The following LEPR variants were observed in gnomAD, a reference collection of about 807,000 sequenced individuals.
LEPR encodes the protein leptin receptor, also known as OB receptor.
In LEPR, 56 loss-of-function variants were observed where a neutral mutation model predicts 114.7. The observed-to-expected ratio is 0.49, with a 90% CI of 0.39 to 0.61. LEPR has a LOEUF of 0.61. LEPR is among the 20% of genes least tolerant of loss of function. The pLI is 0.00. For synonymous variants in LEPR, 443 were observed against 461.4 expected, an observed-to-expected ratio of 0.96 and a Z score of 0.51; for missense variants, 1,202 against 1,352.9, an observed-to-expected ratio of 0.89 and a Z score of 1.75.
chr1:65,607,703 C>G lies in LEPR; in HGVS notation c.1604-1050C>G, dbSNP rs537956484. On this transcript the variant is annotated intron_variant, in intron 11 of 19. Coordinates refer to ENST00000349533, the MANE Select transcript of LEPR (RefSeq NM_002303.6). ...GCACTGTTATGCTTGGGCTTTCAGGCTTTTAGTTTAAAATATGCCACATTT... is the reference window on the plus strand; with the variant it reads ...GCACTGTTATGCTTGGGCTTTCAGGGTTTTAGTTTAAAATATGCCACATTT... 1.6e-4 allele frequency among the ~76,000 whole-genome samples: 25 copies of G among 152,212 alleles called. No individual in the cohort carries two copies. The East Asian group carries it at 4.8e-3, about 29-fold the overall frequency.
intron 2 of LEPR, among the ~76,000 whole-genome samples, chr1:65,509,114 A>G (rs930132412): frequency 1.3e-5 from 2 of 152,130 alleles, no homozygotes; most frequent in Admixed American, 1.3e-4. Context: ...TTCCATCTAT[A>G]AGAGCATGTC....
chr1:65,463,855 A>AT lies in LEPR; in HGVS notation c.-21+38483dup, dbSNP rs1035084008. On this transcript the variant is annotated intron_variant, in intron 2 of 19. Coordinates refer to ENST00000349533, the MANE Select transcript of LEPR (RefSeq NM_002303.6). Reference sequence around the variant, plus strand: ...TTATTGGTGTGTAGGAGTTCTTGTGATTTTTTGCACATTGATTTTATATCC... The same window carrying AT: ...TTATTGGTGTGTAGGAGTTCTTGTGATTTTTTTGCACATTGATTTTATATCC... Among the ~76,000 whole-genome samples the AT allele has an allele frequency of 6.6e-5, 10 of 151,972 alleles. No homozygotes were observed. The East Asian group carries it at 7.7e-4, about 12-fold the overall frequency.
At chr1:65,573,589 A>C (rs903651662) in intron 5 of LEPR, among the ~76,000 whole-genome samples, 20 of 152,180 alleles carry the variant, frequency 1.3e-4, no homozygotes, top group African/African-American at 4.8e-4. Flanking sequence ...TTTTTATGTC[A>C]ATTTTAACTC....
chr1:65,527,817 C>T (rs572621885), intron 2 of LEPR, among the ~76,000 whole-genome samples: 3 of 152,222 alleles, frequency 2.0e-5, no homozygotes, highest in East Asian at 1.9e-4. Flanking sequence ...TAGTCATCTC[C>T]GTTGAAACAG....
chr1:65,611,863 G>T (rs894160726), intron 14 of LEPR, among the ~76,000 whole-genome samples: 1 of 152,108 alleles, frequency 6.6e-6, no homozygotes, highest in East Asian at 1.9e-4. Context: ...ATTTAATTTT[G>T]ATTAATTTAA....
intron 2 of LEPR, chr1:65,433,639 A>G: frequency 2.0e-6 from 2 of 985,434 alleles, no homozygotes; most frequent in South Asian, 4.7e-5. Context: ...GGCCTTGTTC[A>G]TGATTTTATG....
intron 2 of LEPR, among the ~76,000 whole-genome samples, chr1:65,427,246 A>AG (rs761799725): frequency 2.9e-4 from 44 of 152,278 alleles, no homozygotes; most frequent in Non-Finnish European, 5.4e-4. Context: ...ACCAAAGCCC[A>AG]GGGTAGTTAA....
intron 5 of LEPR, among the ~76,000 whole-genome samples, chr1:65,587,783 TATATC>T (rs1655410207): frequency 1.3e-5 from 2 of 152,156 alleles, no homozygotes; most frequent in Admixed American, 1.3e-4. Flanking sequence ...TACTTGAAAA[TATATC>T]ATAATTCAAA....
chr1:65,566,158 A>G (rs1280940884), intron 3 of LEPR, among the ~76,000 whole-genome samples: 1 of 148,022 alleles, frequency 6.8e-6, no homozygotes, highest in East Asian at 2.0e-4. Context: ...TTGAAACTTC[A>G]TGTGTCTTTG....
chr1:65,451,658 C>T (rs1476652601), intron 2 of LEPR, among the ~76,000 whole-genome samples: 1 of 152,158 alleles, frequency 6.6e-6, no homozygotes, highest in African/African-American at 2.4e-5. Flanking sequence ...GGTACCAGTA[C>T]CGTGCTGTTT....
chr1:65,526,102 G>T, intron 2 of LEPR: 1 of 969,360 alleles, frequency 1.0e-6, no homozygotes, highest in Non-Finnish European at 1.2e-6. Context: ...GAACCTGCTC[G>T]GGACCACCGA....
chr1:65,479,802 G>A (rs989672742), intron 2 of LEPR, among the ~76,000 whole-genome samples: 46 of 152,158 alleles, frequency 3.0e-4, no homozygotes, highest in African/African-American at 1.1e-3. Context: ...AGCATTCACT[G>A]CTTTCTAAGA....
chr1:65,450,304 A>T (rs1311078628), intron 2 of LEPR, among the ~76,000 whole-genome samples: 5 of 149,388 alleles, frequency 3.3e-5, no homozygotes, highest in African/African-American at 4.9e-5. Context: ...ACTTTAAGTT[A>T]TAGGGTACAT....
chr1:65,634,672 C>T, intron 19 of LEPR: 2 of 976,250 alleles, frequency 2.0e-6, no homozygotes, highest in Non-Finnish European at 2.4e-6. Flanking sequence ...ATTTGAAGGA[C>T]ATATGTAATC....
intron 2 of LEPR, among the ~76,000 whole-genome samples, chr1:65,513,817 A>G (rs190104519): frequency 1.3e-5 from 2 of 152,332 alleles, no homozygotes; most frequent in Non-Finnish European, 1.5e-5. Context: ...CTTTTCAGGT[A>G]ATATTCTAGG....
rs1658743239 is a variant in LEPR at position 65,637,089 on chromosome 1, G to A, written c.*74G>A. 6.8e-7 allele frequency: 1 copy of A among 1,477,134 alleles called. No homozygotes were observed. Among genetic ancestry groups the A allele is most frequent in the African/African-American group, 1.4e-5 (1 of 71,278 alleles). The allele number at this position is 1,477,134 out of a possible 1,614,324, so 91.5% of individuals were successfully genotyped here. On this transcript the variant is annotated 3_prime_UTR_variant, in exon 20 of 20. Transcript: ENST00000349533. ...TGTAATAGATTATAGTTGTGGGTGG[G>A]AGAGAGAAAAGAAACCAGAGTCAAA... is the stretch of plus-strand genomic sequence containing the variant.
intron 3 of LEPR, among the ~76,000 whole-genome samples, chr1:65,567,901 A>G (rs1653888129): frequency 6.7e-6 from 1 of 148,620 alleles, no homozygotes; most frequent in Non-Finnish European, 1.5e-5. Context: ...ATGAACCCAT[A>G]CTGACATATC....
At chr1:65,435,410 C>G in intron 2 of LEPR, 1 of 788,580 alleles carries the variant, frequency 1.3e-6, no homozygotes, top group Middle Eastern at 6.9e-4. Context: ...CTCTGTTGCC[C>G]AGGCTGGAGT....
intron 10 of LEPR, 62 bp from the exon 11 acceptor site, chr1:65,604,976 C>T: frequency 6.3e-7 from 1 of 1,588,340 alleles, no homozygotes; most frequent in Non-Finnish European, 8.6e-7. Flanking sequence ...TCAGAATTCT[C>T]AGATATCTTC....
Sources: allele counts gnomAD v4.1 joint callset (sites outside exome capture counted in the v4.1 genomes callset), GRCh38; gene constraint gnomAD v4.1.1; transcripts MANE v1.5; gene names NCBI Gene and HGNC (gene_info 2026-07-23, HGNC 2026-07-21).